POM121: variants seen among roughly 807,000 people sequenced by gnomAD.
The protein encoded by POM121 is POM121 transmembrane nucleoporin, also known as nuclear envelope pore membrane protein POM 121.
A neutral mutation model predicts 81.3 loss-of-function variants in POM121; 32 were observed. The observed-to-expected ratio is 0.39, with a 90% CI of 0.30 to 0.53. The LOEUF (loss-of-function observed/expected upper bound fraction) is 0.53. Ranked by LOEUF, POM121 falls within the 20% of genes least tolerant of loss-of-function variation. The probability of loss-of-function intolerance (pLI) is 0.66; values close to 1 mark genes in which losing one functional copy is unlikely to be tolerated. For missense variants in POM121, 1,138 were observed against 1,614.6 expected (o/e 0.70, Z 5.06); for synonymous variants, 514 against 694.2 (o/e 0.74, Z 4.08).
At chr7:72,950,332 G>A (rs1198435635), downstream of POM121, 22 of 862,170 alleles carry the variant, frequency 2.6e-5, no homozygotes, top group Admixed American at 1.1e-4. Flanking sequence ...TCCGGGATCC[G>A]CAGTTGAGGG....
At chr7:72,917,860 A>G (rs1794432954) in intron 4 of POM121, among the ~76,000 whole-genome samples, 1 of 152,182 alleles carries the variant, frequency 6.6e-6, no homozygotes, top group Non-Finnish European at 1.5e-5. Context: ...TATTTATTGG[A>G]TACAAAGCAA....
At chr7:72,924,959 T>TTA (rs1795202544), upstream of POM121, 2 of 1,233,684 alleles carry the variant, frequency 1.6e-6, no homozygotes, top group Non-Finnish European at 2.1e-6. Flanking sequence ...GAAACAGGCG[T>TTA]TAAAGGCAGG....
intron 5 of POM121, among the ~76,000 whole-genome samples, chr7:72,937,407 A>G (rs1164411761): frequency 6.6e-6 from 1 of 151,704 alleles, no homozygotes; most frequent in African/African-American, 2.4e-5. Context: ...TATGCCTGTA[A>G]TCCCATGTTT....
upstream of POM121, among the ~76,000 whole-genome samples, chr7:72,922,506 C>T (rs1298470049): frequency 6.6e-6 from 1 of 151,860 alleles, no homozygotes; most frequent in Non-Finnish European, 1.5e-5. Flanking sequence ...CCAGCCTCAG[C>T]CTCCTGAGTA....
rs1791716702 is a variant in POM121 at position 72,894,644 on chromosome 7, AGAGAGAGAGAGAGAG to A, written c.-216+3535_-216+3549del. Among the ~76,000 whole-genome samples, 16 of 135,338 alleles carry A rather than the reference AGAGAGAGAGAGAGAG, an allele frequency of 1.2e-4. No individual in the cohort carries two copies. The East Asian group carries it at 2.3e-3, about 19-fold the overall frequency. The allele number at this position is 135,338 out of a possible 152,430, so 88.8% of individuals were successfully genotyped here. The stretch of plus-strand genomic sequence containing the variant: ...AGAGAGAGGAGAGAGAGAGAGAGAG[AGAGAGAGAGAGAGAG>A]AGAGAGAGAGAGAGAGAGAGAGATC... On this transcript the variant is annotated intron_variant, in intron 3 of 15. Transcript: ENST00000395270.
chr7:72,946,145 G>C lies in POM121; in HGVS notation c.3661G>C (p.Ala1221Pro). The C allele has an allele frequency of 6.2e-7, 1 of 1,611,686 alleles. No individual in the cohort carries two copies. The change falls in exon 13 of 13, where the codon GCC becomes CCC. Residue 1221 changes from alanine to proline, a missense_variant. By Grantham distance (27) the Ala-to-Pro change is conservative. This residue lies in a region of POM121 where 336 missense variants were observed against 344.3 expected (regional missense o/e 0.98). Coordinates refer to ENST00000434423, the MANE Select transcript of POM121 (RefSeq NM_001387691.1). ...TTGTTGAATCTTTCCAGGATCGGCG[G>C]CCCTTTCATTTTCCATTGGTGCGGG... ...FVGVAPFGSA[A>P]LSFSIGAGSK...
At position 72,928,254 on chromosome 7, in the gene POM121, A is replaced by G. The variant is rs1448863134; in HGVS notation, c.1023-131A>G. 6.1e-6 allele frequency: 8 copies of G among 1,315,482 alleles called. No individual in the cohort carries two copies. In the East Asian group the frequency reaches 9.3e-5, roughly 15 times the overall value. The allele number at this position is 1,315,482 out of a possible 1,614,324, so 81.5% of individuals were successfully genotyped here. On this transcript the variant is annotated intron_variant, in intron 3 of 12. Coordinates refer to ENST00000434423, the MANE Select transcript of POM121 (RefSeq NM_001387691.1). ...TTTCAGAAGCTTAGGGATTTTAAAC[A>G]ACCATTTTCTGGTCTATCATGGAAT...
At chr7:72,918,689 C>G (rs1277745575) in intron 4 of POM121, among the ~76,000 whole-genome samples, 3 of 152,104 alleles carry the variant, frequency 2.0e-5, no homozygotes, top group African/African-American at 7.2e-5. Flanking sequence ...CTGCCCACAC[C>G]AGCAGGGCTG....
intron 3 of POM121, among the ~76,000 whole-genome samples, chr7:72,907,830 C>T (rs1793414940): frequency 6.6e-6 from 1 of 151,998 alleles, no homozygotes; most frequent in Non-Finnish European, 1.5e-5. Flanking sequence ...GTTTTTTGGG[C>T]ACTGCACTCT....
chr7:72,923,795 T>C (rs1795072610), upstream of POM121, among the ~76,000 whole-genome samples: 1 of 150,938 alleles, frequency 6.6e-6, no homozygotes, highest in African/African-American at 2.4e-5. Context: ...GAGACGGAGT[T>C]TCACCATATT....
At chr7:72,948,633 T>C (rs1797871672), downstream of POM121, 1 of 1,603,106 alleles carries the variant, frequency 6.2e-7, no homozygotes, top group African/African-American at 1.3e-5. Flanking sequence ...GCCAGTACCA[T>C]CCTGCGCCTC....
chr7:72,913,847 C>T (rs1349607375), intron 4 of POM121: 1 of 152,286 alleles, frequency 6.6e-6, no homozygotes, highest in Non-Finnish European at 1.5e-5. Context: ...AATCCCCATC[C>T]TGCGCTTCCA....
intron 3 of POM121, among the ~76,000 whole-genome samples, chr7:72,928,116 G>A (rs1442930075): frequency 6.6e-6 from 1 of 152,134 alleles, no homozygotes. Flanking sequence ...TGAGGCAGGA[G>A]AATCGCTTGA....
chr7:72,931,829 C>T (rs1373030429), intron 5 of POM121, among the ~76,000 whole-genome samples: 2 of 152,152 alleles, frequency 1.3e-5, no homozygotes, highest in African/African-American at 2.4e-5. Context: ...CCTTGGCCTC[C>T]CAAAGTGCTG....
intron 3 of POM121, among the ~76,000 whole-genome samples, chr7:72,910,893 A>G (rs760707856): frequency 4.6e-5 from 7 of 152,094 alleles, no homozygotes; most frequent in Non-Finnish European, 2.9e-5. Flanking sequence ...CAAACCATCA[A>G]ACCACCCCAG....
intron 4 of POM121, among the ~76,000 whole-genome samples, chr7:72,917,725 C>T (rs1158354445): frequency 3.3e-5 from 5 of 152,064 alleles, no homozygotes; most frequent in African/African-American, 2.4e-5. Flanking sequence ...CTGTGTGCAG[C>T]GATGAGAGAG....
intron 11 of POM121, among the ~76,000 whole-genome samples, chr7:72,944,761 A>G (rs1436918507): frequency 6.6e-6 from 1 of 151,434 alleles, no homozygotes; most frequent in Non-Finnish European, 1.5e-5. Flanking sequence ...AGTTGTGGTG[A>G]CAGTGTGGCT....
chr7:72,895,249 C>A (rs1428167898), intron 3 of POM121, among the ~76,000 whole-genome samples: 1 of 152,204 alleles, frequency 6.6e-6, no homozygotes, highest in Admixed American at 6.5e-5. Flanking sequence ...TGCATTTCAT[C>A]TGTTTGTAGG....
intron 4 of POM121, among the ~76,000 whole-genome samples, chr7:72,916,501 C>G (rs1241107636): frequency 5.3e-5 from 8 of 152,132 alleles, no homozygotes; most frequent in African/African-American, 1.7e-4. Flanking sequence ...TTTCTGAGGT[C>G]TCTATTCTGT....
Sources: allele counts gnomAD v4.1 joint callset (sites outside exome capture counted in the v4.1 genomes callset), GRCh38; gene constraint gnomAD v4.1.1; regional missense constraint gnomAD v4.1.1; transcripts MANE v1.5; gene names NCBI Gene and HGNC (gene_info 2026-07-23, HGNC 2026-07-21).